The following RNGTT variants were observed in gnomAD, a reference collection of about 807,000 sequenced individuals.
The protein encoded by RNGTT is mRNA-capping enzyme.
RNGTT carries 33 observed loss-of-function variants against 79.3 expected under a neutral mutation model. That is an observed-to-expected ratio of 0.42 (90% confidence interval 0.32 to 0.56). The LOEUF (loss-of-function observed/expected upper bound fraction) is 0.56. Ranked by LOEUF, RNGTT falls within the 20% of genes least tolerant of loss-of-function variation. The pLI is 0.17. For synonymous variants in RNGTT, 222 were observed against 235.9 expected, an observed-to-expected ratio of 0.94 and a Z score of 0.54; for missense variants, 497 against 739.1, an observed-to-expected ratio of 0.67 and a Z score of 3.80.
intron 13 of RNGTT, among the ~76,000 whole-genome samples, chr6:88,767,730 T>C (rs770966502): frequency 6.6e-6 from 1 of 150,514 alleles, no homozygotes; most frequent in Non-Finnish European, 1.5e-5. Context: ...AGAATTAGTT[T>C]CTTAGCCTCA....
At chr6:88,637,687 C>T (rs776164111) in intron 14 of RNGTT, among the ~76,000 whole-genome samples, 11 of 151,928 alleles carry the variant, frequency 7.2e-5, no homozygotes, top group South Asian at 2.1e-4. Context: ...GAAAGAAACA[C>T]GTAAAAAGAA....
intron 14 of RNGTT, among the ~76,000 whole-genome samples, chr6:88,658,045 G>A (rs1207552186): frequency 6.6e-6 from 1 of 152,114 alleles, no homozygotes; most frequent in Admixed American, 6.5e-5. Flanking sequence ...AGAAACCCAA[G>A]TACTTATCCT....
chr6:88,762,646 G>C (rs1778308498), intron 13 of RNGTT, among the ~76,000 whole-genome samples: 3 of 152,014 alleles, frequency 2.0e-5, no homozygotes, highest in Non-Finnish European at 4.4e-5. Context: ...TGCCACAGTA[G>C]AATCTACAGA....
chr6:88,859,412 A>G (rs1416898172), intron 8 of RNGTT, among the ~76,000 whole-genome samples: 1 of 152,146 alleles, frequency 6.6e-6, no homozygotes, highest in Non-Finnish European at 1.5e-5. Context: ...GACTAGGGGA[A>G]CAAAATGAAA....
intron 11 of RNGTT, among the ~76,000 whole-genome samples, chr6:88,810,680 C>G: frequency 6.6e-6 from 1 of 152,146 alleles, no homozygotes; most frequent in Non-Finnish European, 1.5e-5. Flanking sequence ...TCTGATATTA[C>G]ATTCAAAAAA....
intron 4 of RNGTT, among the ~76,000 whole-genome samples, chr6:88,908,522 G>A (rs1783730630): frequency 6.6e-6 from 1 of 152,152 alleles, no homozygotes; most frequent in Admixed American, 6.5e-5. Flanking sequence ...AAGCGACGTA[G>A]ACTGCTTGGA....
chr6:88,949,161 A>AAAAAAAAAAAAAAAAAAAAATG (rs1785151033), intron 1 of RNGTT, among the ~76,000 whole-genome samples: 1 of 79,854 alleles, frequency 1.3e-5, no homozygotes, highest in East Asian at 1.2e-3. Flanking sequence ...AATAAAATGA[A>AAAAAAAAAAAAAAAAAAAAATG]AAAAAAAAAA....
rs146295866 is a variant in RNGTT at position 88,664,362 on chromosome 6, T to TA, written c.1506+13990dup. Among the ~76,000 whole-genome samples the TA allele has an allele frequency of 6.9e-3, 1,046 of 152,266 alleles. 7 individuals carry two copies. The highest frequency in any genetic ancestry group is 0.024 in the African/African-American group (990 of 41,550). ...AATCAGCGCATGATTAACATGGCCT[T>TA]AGTTAGTCAAAGCGCAGAGGATATT... On this transcript the variant is annotated intron_variant, in intron 14 of 15. Transcript: ENST00000369485.
At chr6:88,698,258 T>C (rs1182688187) in intron 13 of RNGTT, among the ~76,000 whole-genome samples, 1 of 93,510 alleles carries the variant, frequency 1.1e-5, no homozygotes, top group Non-Finnish European at 1.7e-5. Flanking sequence ...AATATATATA[T>C]AAATATATAT....
chr6:88,651,258 A>G (rs533875504), intron 14 of RNGTT, among the ~76,000 whole-genome samples: 7 of 152,308 alleles, frequency 4.6e-5, no homozygotes, highest in Non-Finnish European at 7.4e-5. Flanking sequence ...TTCAAGAACT[A>G]TAATAATATA....
At chr6:88,738,740 G>A (rs558138530) in intron 13 of RNGTT, among the ~76,000 whole-genome samples, 1 of 152,042 alleles carries the variant, frequency 6.6e-6, no homozygotes, top group African/African-American at 2.4e-5. Flanking sequence ...TTTGTGGGGG[G>A]CCCAAGAGGT....
At chr6:88,692,885 G>A (rs1775533411) in intron 13 of RNGTT, among the ~76,000 whole-genome samples, 1 of 151,706 alleles carries the variant, frequency 6.6e-6, no homozygotes, top group Non-Finnish European at 1.5e-5. Flanking sequence ...AGACCATACA[G>A]CGAAATAAGT....
intron 4 of RNGTT, among the ~76,000 whole-genome samples, chr6:88,908,107 A>G (rs1783715870): frequency 6.6e-6 from 1 of 152,228 alleles, no homozygotes; most frequent in Non-Finnish European, 1.5e-5. Context: ...CAGTGCAACT[A>G]AGATCAAATA....
At chr6:88,662,749 T>G (rs1243230530) in intron 14 of RNGTT, among the ~76,000 whole-genome samples, 4 of 152,188 alleles carry the variant, frequency 2.6e-5, no homozygotes, top group Non-Finnish European at 5.9e-5. Context: ...GCAATTGCCC[T>G]GGTCAAATGC....
At chr6:88,933,688 C>T (rs1221270354) in intron 2 of RNGTT, among the ~76,000 whole-genome samples, 3 of 152,182 alleles carry the variant, frequency 2.0e-5, no homozygotes, top group South Asian at 4.1e-4. Context: ...CTGTGTCTGG[C>T]TTATTTTGGT....
At chr6:88,649,668 G>A (rs916234685) in intron 14 of RNGTT, among the ~76,000 whole-genome samples, 24 of 151,944 alleles carry the variant, frequency 1.6e-4, no homozygotes, top group Admixed American at 1.6e-3. Context: ...CTGCACTCCC[G>A]CCTGGGTGAA....
chr6:88,744,559 C>T (rs1248007365), intron 13 of RNGTT, among the ~76,000 whole-genome samples: 1 of 152,158 alleles, frequency 6.6e-6, no homozygotes, highest in Non-Finnish European at 1.5e-5. Context: ...CGTGCCCGGC[C>T]TGTTCTTACT....
At chr6:88,860,729 C>G (rs1027756015) in intron 8 of RNGTT, among the ~76,000 whole-genome samples, 18 of 151,754 alleles carry the variant, frequency 1.2e-4, no homozygotes, top group African/African-American at 4.1e-4. Flanking sequence ...AATCCTAGCA[C>G]TCTGGGAGGC....
chr6:88,919,707 CTTTTTTT>C (rs5878082), intron 4 of RNGTT, among the ~76,000 whole-genome samples: 6 of 58,480 alleles, frequency 1.0e-4, no homozygotes, highest in East Asian at 4.6e-4. Context: ...GTCAGTAGTT[CTTTTTTT>C]TTTTTTTTTT....
Sources: gnomAD v4.1 joint callset for allele counts (sites outside exome capture counted in the v4.1 genomes callset) on GRCh38, gnomAD v4.1.1 for gene constraint, MANE v1.5 for transcripts, NCBI Gene and HGNC (gene_info 2026-07-23, HGNC 2026-07-21) for gene names.